The following SH3RF2 variants were observed in gnomAD, a reference collection of about 807,000 sequenced individuals.
SH3RF2 encodes the protein E3 ubiquitin-protein ligase SH3RF2.
SH3RF2 carries 43 observed loss-of-function variants against 59.0 expected under a neutral mutation model. The ratio of observed to expected loss-of-function variants is 0.73; its 90% confidence interval spans 0.57 to 0.94. The LOEUF (loss-of-function observed/expected upper bound fraction) is 0.94, where lower values mean the gene tolerates loss of function less well. Ranked by LOEUF, SH3RF2 falls within the 40% of genes least tolerant of loss-of-function variation. The probability of loss-of-function intolerance (pLI) is 0.00; values close to 1 mark genes in which losing one functional copy is unlikely to be tolerated. For synonymous variants in SH3RF2, 391 were observed against 391.5 expected (o/e 1.00, Z 0.01); for missense variants, 930 against 940.1 (o/e 0.99, Z 0.14).
intron 2 of SH3RF2, among the ~76,000 whole-genome samples, chr5:145,967,584 G>A (rs1436283076): frequency 6.6e-6 from 1 of 152,212 alleles, no homozygotes; most frequent in African/African-American, 2.4e-5. Context: ...CACAACGTGG[G>A]ACTGTCTCTA....
intron 7 of SH3RF2, among the ~76,000 whole-genome samples, chr5:146,054,404 C>G (rs1208506344): frequency 6.6e-6 from 1 of 152,204 alleles, no homozygotes; most frequent in Admixed American, 6.5e-5. Context: ...ATTTGTCTTT[C>G]CTGTTGCCAG....
chr5:146,004,213 A>G (rs1324247339), intron 4 of SH3RF2, 60 bp downstream of exon 4: 1 of 1,386,816 alleles, frequency 7.2e-7, no homozygotes, highest in East Asian at 2.4e-5. Context: ...CATGTGCTAC[A>G]GTGATGCCTG....
intron 5 of SH3RF2, among the ~76,000 whole-genome samples, chr5:146,033,698 G>A (rs1311589722): frequency 2.0e-5 from 3 of 151,794 alleles, no homozygotes; most frequent in Admixed American, 1.3e-4. Flanking sequence ...TCGAACTCCC[G>A]ATCTCAGGTG....
intron 5 of SH3RF2, among the ~76,000 whole-genome samples, chr5:146,025,023 T>C (rs1351771195): frequency 6.6e-6 from 1 of 152,230 alleles, no homozygotes; most frequent in Non-Finnish European, 1.5e-5. Flanking sequence ...AAAATGATGG[T>C]GTTCCAAATC....
At chr5:146,044,702 G>A (rs964105278) in intron 5 of SH3RF2, among the ~76,000 whole-genome samples, 3 of 151,802 alleles carry the variant, frequency 2.0e-5, no homozygotes, top group African/African-American at 7.3e-5. Flanking sequence ...CAGTATCTCT[G>A]TCCCAGTTTT....
At chr5:145,941,843 C>G (rs912915048) in intron 2 of SH3RF2, among the ~76,000 whole-genome samples, 1 of 152,160 alleles carries the variant, frequency 6.6e-6, no homozygotes, top group Non-Finnish European at 1.5e-5. Flanking sequence ...TGATTCATGT[C>G]ACTTAGCTCT....
intron 5 of SH3RF2, among the ~76,000 whole-genome samples, chr5:146,046,138 T>C (rs1429358319): frequency 6.6e-6 from 1 of 152,044 alleles, no homozygotes; most frequent in Admixed American, 6.5e-5. Context: ...ACCTCTAGAG[T>C]TCACATACAT....
Position 146,056,094 on chromosome 5 carries a change from G to A in SH3RF2, c.1436G>A (p.Ser479Asn). The A allele has an allele frequency of 6.2e-7, 1 of 1,614,242 alleles. No homozygotes were observed. Among genetic ancestry groups the A allele is most frequent in the Non-Finnish European group, 8.5e-7 (1 of 1,180,048 alleles). ...GSISEGDPRQSRPFKSVFVPT... is the reference protein window; with the variant it reads ...GSISEGDPRQNRPFKSVFVPT... ...ATTTCAGAAGGTGATCCACGGCAAA[G>A]CCGTCCCTTCAAATCCGTCTTTGTG... The change falls in exon 8 of 10, where the codon AGC (serine) becomes AAC (asparagine). Residue 479 changes from serine to asparagine, a missense_variant. Transcript: ENST00000359120.
chr5:146,067,112 C>T (rs903264273), downstream of SH3RF2, among the ~76,000 whole-genome samples: 4 of 152,144 alleles, frequency 2.6e-5, no homozygotes, highest in African/African-American at 7.2e-5. Context: ...ACCTCCTCCA[C>T]CCTTCACCCA....
intron 4 of SH3RF2, among the ~76,000 whole-genome samples, chr5:146,007,514 T>C (rs529493264): frequency 1.1e-4 from 16 of 152,288 alleles, no homozygotes; most frequent in Admixed American, 3.3e-4. Flanking sequence ...TAGTACCTCA[T>C]TGGACCCATA....
chr5:146,002,528 G>GGAAGGAAGGAAA (rs1760469764), intron 3 of SH3RF2, among the ~76,000 whole-genome samples: 2 of 143,870 alleles, frequency 1.4e-5, no homozygotes, highest in African/African-American at 5.4e-5. Context: ...AAGGAAGGAA[G>GGAAGGAAGGAAA]GAAGGAAGGA....
At chr5:145,977,037 C>T (rs1174688033) in intron 2 of SH3RF2, among the ~76,000 whole-genome samples, 1 of 152,240 alleles carries the variant, frequency 6.6e-6, no homozygotes, top group Admixed American at 6.5e-5. Context: ...CTCATGCCAG[C>T]TCATGACCTC....
At chr5:145,949,812 A>G (rs1758126665) in intron 2 of SH3RF2, among the ~76,000 whole-genome samples, 1 of 149,286 alleles carries the variant, frequency 6.7e-6, no homozygotes. Flanking sequence ...TTCTCTTTGT[A>G]TTCGAAAGAA....
rs141331441 is a variant in SH3RF2 at position 145,972,272 on chromosome 5, C to G, written c.379-27786C>G. ...TTAAAGAAAGAAAAGGAAGGTCATG[C>G]CCTTAACTACAATAGGTGAAGAGGA... On this transcript the variant is annotated intron_variant, in intron 2 of 9. Transcript: ENST00000359120. Among the ~76,000 whole-genome samples, 17 of 152,148 alleles carry G rather than the reference C, an allele frequency of 1.1e-4. No homozygotes were observed. The East Asian group carries it at 2.5e-3, about 22-fold the overall frequency.
intron 4 of SH3RF2, among the ~76,000 whole-genome samples, chr5:146,012,853 G>T (rs142851365): frequency 3.4e-4 from 51 of 152,218 alleles, no homozygotes; most frequent in African/African-American, 1.0e-3. Flanking sequence ...ACTGGAGTTG[G>T]CTGGAACTAG....
intron 4 of SH3RF2, among the ~76,000 whole-genome samples, chr5:146,009,338 C>A (rs1356012269): frequency 1.3e-5 from 2 of 152,160 alleles, no homozygotes; most frequent in Non-Finnish European, 2.9e-5. Context: ...CCCTGCCTGT[C>A]TCTGTGGCCT....
At chr5:145,967,723 A>C (rs1052065064) in intron 2 of SH3RF2, among the ~76,000 whole-genome samples, 12 of 152,038 alleles carry the variant, frequency 7.9e-5, no homozygotes, top group African/African-American at 2.9e-4. Context: ...GCAGTGGTAC[A>C]ATCTCGGCTC....
Position 146,028,163 on chromosome 5 carries a change from A to AACACACAC in SH3RF2, c.1059+14142_1059+14149dup, listed in dbSNP as rs10586561. Among the ~76,000 whole-genome samples, 87 of 142,424 alleles carry AACACACAC rather than the reference A, an allele frequency of 6.1e-4. 1 individual carries two copies. Among genetic ancestry groups the AACACACAC allele is most frequent in the East Asian group, 1.0e-3 (5 of 4,780 alleles). The allele number at this position is 142,424 out of a possible 152,430, so 93.4% of individuals were successfully genotyped here. ...GATATCCAAGGCCAATGAGGCCTGC[A>AACACACAC]ACACACACACACACACACACACACA... On this transcript the variant is annotated intron_variant, in intron 5 of 9. Transcript: ENST00000359120.
chr5:146,055,888 T>C, intron 7 of SH3RF2, 93 bp from the exon 8 acceptor site: 2 of 1,361,686 alleles, frequency 1.5e-6, no homozygotes, highest in East Asian at 2.3e-5. Flanking sequence ...ATTTGGTATG[T>C]GGTTGGGAGC....
Sources: allele counts gnomAD v4.1 joint callset (sites outside exome capture counted in the v4.1 genomes callset), GRCh38; gene constraint gnomAD v4.1.1; transcripts MANE v1.5; gene names NCBI Gene and HGNC (gene_info 2026-07-23, HGNC 2026-07-21).